The following NRXN1 variants were observed in gnomAD, a reference collection of about 807,000 sequenced individuals.
NRXN1 encodes neurexin 1, also known as neurexin-1.
A neutral mutation model predicts 150.9 loss-of-function variants in NRXN1; 39 were observed. That is an observed-to-expected ratio of 0.26 (90% CI 0.20 to 0.34). The LOEUF (loss-of-function observed/expected upper bound fraction) is 0.34. NRXN1 is among the 10% of genes least tolerant of loss of function. The probability of loss-of-function intolerance (pLI) is 1.00; values close to 1 mark genes in which losing one functional copy is unlikely to be tolerated. For missense variants in NRXN1, 1,815 were observed against 1,949.9 expected (o/e 0.93, Z 1.30); for synonymous variants, 924 against 757.0 (o/e 1.22, Z -3.62).
intron 18 of NRXN1, among the ~76,000 whole-genome samples, chr2:50,120,232 T>C (rs112774502): frequency 1.8e-4 from 28 of 152,128 alleles, no homozygotes; most frequent in African/African-American, 6.5e-4. Flanking sequence ...AAAATTAAAA[T>C]TTTAAAAAAT....
At chr2:50,284,182 C>T (rs1411570305) in intron 17 of NRXN1, among the ~76,000 whole-genome samples, 1 of 152,190 alleles carries the variant, frequency 6.6e-6, no homozygotes, top group Non-Finnish European at 1.5e-5. Context: ...TGAGGATTCT[C>T]TGTCAACAGT....
At chr2:49,962,800 A>G (rs1676216422) in intron 21 of NRXN1, among the ~76,000 whole-genome samples, 1 of 152,032 alleles carries the variant, frequency 6.6e-6, no homozygotes, top group South Asian at 2.1e-4. Context: ...TAAAAATACA[A>G]AAATTAGCCG....
intron 18 of NRXN1, among the ~76,000 whole-genome samples, chr2:50,102,379 C>T (rs1010067901): frequency 6.6e-6 from 1 of 151,992 alleles, no homozygotes; most frequent in Admixed American, 6.6e-5. Flanking sequence ...TTATTTTCCT[C>T]AATTGCATGG....
intron 17 of NRXN1, among the ~76,000 whole-genome samples, chr2:50,433,261 T>C (rs1400594726): frequency 6.6e-6 from 1 of 152,230 alleles, no homozygotes; most frequent in East Asian, 1.9e-4. Flanking sequence ...TTCATTACTG[T>C]TGAAGCTACA....
In NRXN1 at chr2:50,623,594, G is replaced by A. The variant is rs980499901; in HGVS notation, c.854C>T (p.Thr285Met). ...GCAGAAGTATTCAGATCCTTTGAAC[G>A]TGGCAATATATTCTTCTTTTCCTAG... Reference protein sequence around the residue: ...KSKGKEEYIATFKGSEYFCYD... With the variant: ...KSKGKEEYIAMFKGSEYFCYD... The change falls in exon 6 of 23, where the codon ACG (threonine) becomes ATG (methionine). Residue 285 changes from threonine to methionine, a missense_variant. Physicochemically the swap from Thr to Met is moderately conservative, Grantham distance 81. Transcript: ENST00000401669. The A allele has an allele frequency of 3.7e-6, 6 of 1,610,924 alleles. No individual in the cohort carries two copies. The highest frequency in any genetic ancestry group is 2.2e-5 in the East Asian group (1 of 44,780).
At chr2:50,066,773 T>C (rs1695433203) in intron 19 of NRXN1, among the ~76,000 whole-genome samples, 2 of 152,144 alleles carry the variant, frequency 1.3e-5, no homozygotes, top group South Asian at 4.1e-4. Flanking sequence ...TTGAGGGCAA[T>C]GTGTAAAAGT....
intron 21 of NRXN1, among the ~76,000 whole-genome samples, chr2:50,051,703 G>GA (rs1359072590): frequency 1.3e-5 from 2 of 152,020 alleles, no homozygotes; most frequent in Non-Finnish European, 2.9e-5. Context: ...CCTAACGAGA[G>GA]AAAATCAACA....
intron 16 of NRXN1, among the ~76,000 whole-genome samples, chr2:50,469,728 G>C (rs1020856950): frequency 6.6e-6 from 1 of 150,812 alleles, no homozygotes; most frequent in Non-Finnish European, 1.5e-5. Context: ...GAAAGAATCA[G>C]GACAGAAAGT....
chr2:50,660,729 G>A (rs1397664020), intron 5 of NRXN1, among the ~76,000 whole-genome samples: 1 of 151,992 alleles, frequency 6.6e-6, no homozygotes, highest in African/African-American at 2.4e-5. Context: ...ATTTCTGGCT[G>A]GCTGTCTCTG....
intron 5 of NRXN1, among the ~76,000 whole-genome samples, chr2:50,788,788 C>T (rs1181953343): frequency 1.3e-5 from 2 of 151,572 alleles, no homozygotes; most frequent in Non-Finnish European, 2.9e-5. Context: ...AAAGCATATC[C>T]CTACCTATAA....
chr2:51,019,715 C>T lies in NRXN1; in HGVS notation c.772+7787G>A, dbSNP rs562010177. On this transcript the variant is annotated intron_variant, in intron 2 of 22. Coordinates refer to ENST00000401669, the MANE Select transcript of NRXN1 (RefSeq NM_001330078.2). Reference sequence around the variant, plus strand: ...TGTTCTAATTGGAAAACTTACATTGCCTGATTGTGTTGGTAGGATTTGTGC... The same window carrying T: ...TGTTCTAATTGGAAAACTTACATTGTCTGATTGTGTTGGTAGGATTTGTGC... Among the ~76,000 whole-genome samples the T allele has an allele frequency of 1.3e-4, 20 of 152,070 alleles. No homozygotes were observed. In the South Asian group the frequency reaches 3.7e-3, roughly 28 times the overall value.
chr2:50,163,820 T>C (rs1253084204), intron 18 of NRXN1, among the ~76,000 whole-genome samples: 2 of 152,200 alleles, frequency 1.3e-5, no homozygotes, highest in African/African-American at 2.4e-5. Context: ...AAACACATGA[T>C]GCCATATGGA....
rs183314940 is a variant in NRXN1, at chr2:50,065,946, T to C, written c.3719-10902A>G. ...CAGTAAATTTTGCTTGGACGTCACA[T>C]TTCCTCTTTTCCTTCTTGCCTATTT... On this transcript the variant is annotated intron_variant, in intron 19 of 22. Transcript: ENST00000401669. Among the ~76,000 whole-genome samples, 9 of 152,280 alleles carry C rather than the reference T, an allele frequency of 5.9e-5. No homozygotes were observed. In the East Asian group the frequency reaches 1.4e-3, roughly 23 times the overall value.
At chr2:50,150,069 A>G (rs930238608) in intron 18 of NRXN1, among the ~76,000 whole-genome samples, 2 of 151,658 alleles carry the variant, frequency 1.3e-5, no homozygotes, top group Non-Finnish European at 3.0e-5. Flanking sequence ...GAATTTCTCC[A>G]TTACTCCTGG....
At chr2:50,592,784 G>A (rs1268156964) in intron 8 of NRXN1, among the ~76,000 whole-genome samples, 1 of 152,172 alleles carries the variant, frequency 6.6e-6, no homozygotes, top group East Asian at 1.9e-4. Context: ...GAACCCTTGT[G>A]TATAGTTTGA....
intron 17 of NRXN1, among the ~76,000 whole-genome samples, chr2:50,452,471 A>G (rs1163449436): frequency 2.0e-5 from 3 of 152,146 alleles, no homozygotes; most frequent in Non-Finnish European, 2.9e-5. Flanking sequence ...ACACAGCTGA[A>G]GTGACTTGCT....
intron 5 of NRXN1, among the ~76,000 whole-genome samples, chr2:50,708,063 T>A (rs1348346906): frequency 6.6e-6 from 1 of 152,192 alleles, no homozygotes; most frequent in Non-Finnish European, 1.5e-5. Context: ...TATGTAGGAA[T>A]AGAATACTCA....
At chr2:50,676,044 G>C (rs1689495217) in intron 5 of NRXN1, among the ~76,000 whole-genome samples, 1 of 152,252 alleles carries the variant, frequency 6.6e-6, no homozygotes, top group East Asian at 1.9e-4. Flanking sequence ...TTGTAGGTGG[G>C]CCTAGTGGTA....
intron 5 of NRXN1, among the ~76,000 whole-genome samples, chr2:50,857,588 G>A (rs889033796): frequency 1.3e-5 from 2 of 152,016 alleles, no homozygotes; most frequent in Non-Finnish European, 2.9e-5. Flanking sequence ...CAACATCTTT[G>A]AAGAAAGATA....
Sources: allele counts gnomAD v4.1 joint callset (sites outside exome capture counted in the v4.1 genomes callset), GRCh38; gene constraint gnomAD v4.1.1; transcripts MANE v1.5; gene names NCBI Gene and HGNC (gene_info 2026-07-23, HGNC 2026-07-21).